Variants in BNC2 observed in about 807,000 individuals in gnomAD.
The protein encoded by BNC2 is zinc finger protein basonuclin-2.
A neutral mutation model predicts 76.3 loss-of-function variants in BNC2; 20 were observed. The observed-to-expected ratio is 0.26, with a 90% CI of 0.18 to 0.38. The LOEUF (loss-of-function observed/expected upper bound fraction) is 0.38, where lower values mean the gene tolerates loss of function less well. BNC2 is among the 10% of genes least tolerant of loss of function. The probability of loss-of-function intolerance (pLI) is 1.00; values close to 1 mark genes in which losing one functional copy is unlikely to be tolerated. For synonymous variants in BNC2, 582 were observed against 514.8 expected (o/e 1.13, Z -1.77); for missense variants, 1,382 against 1,399.8 (o/e 0.99, Z 0.20).
intron 3 of BNC2, among the ~76,000 whole-genome samples, chr9:16,598,482 C>T (rs1216226046): frequency 1.3e-5 from 2 of 152,178 alleles, no homozygotes; most frequent in Non-Finnish European, 2.9e-5. Flanking sequence ...CTGCCTTAGT[C>T]ATCCAACTTC....
chr9:16,722,239 C>T (rs1313148777), intron 3 of BNC2, among the ~76,000 whole-genome samples: 1 of 152,148 alleles, frequency 6.6e-6, no homozygotes, highest in Non-Finnish European at 1.5e-5. Flanking sequence ...TGCAATCCTG[C>T]CTTGGTTGTG....
Position 16,507,351 on chromosome 9 carries a change from C to T in BNC2, c.669+45179G>A, listed in dbSNP as rs142970528. Among the ~76,000 whole-genome samples the T allele has an allele frequency of 8.3e-3, 1,251 of 150,894 alleles. 55 individuals are homozygous for T. In the South Asian group the frequency reaches 0.13, roughly 16 times the overall value. ...TTGATCTTGGCTCAGCCTACGCCTC[C>T]TGGGTTCAAACGATTCTCCTGCCTC... On this transcript the variant is annotated intron_variant, in intron 5 of 6. Coordinates refer to ENST00000380672, the MANE Select transcript of BNC2 (RefSeq NM_017637.6).
chr9:16,518,812 G>C (rs1817522039), intron 5 of BNC2, among the ~76,000 whole-genome samples: 1 of 152,118 alleles, frequency 6.6e-6, no homozygotes, highest in South Asian at 2.1e-4. Flanking sequence ...TGTTGGTCAG[G>C]CTGGTCCCGA....
chr9:16,848,749 C>A (rs1206501162), intron 1 of BNC2, among the ~76,000 whole-genome samples: 6 of 152,176 alleles, frequency 3.9e-5, no homozygotes, highest in Non-Finnish European at 8.8e-5. Context: ...AGTTTACAGG[C>A]TGAGCATCCT....
chr9:16,519,879 G>A (rs1447684450), intron 5 of BNC2, among the ~76,000 whole-genome samples: 3 of 152,128 alleles, frequency 2.0e-5, no homozygotes, highest in Admixed American at 2.0e-4. Context: ...AGAACTAAAG[G>A]AGTTATGTTC....
Position 16,727,925 on chromosome 9 carries a change from A to C in BNC2, c.202T>G (p.Leu68Val). 6.2e-7 allele frequency: 1 copy of C among 1,614,082 alleles called. No homozygotes were observed. Among genetic ancestry groups the C allele is most frequent in the South Asian group, 1.1e-5 (1 of 91,074 alleles). The change falls in exon 3 of 7, where the codon TTG becomes GTG. Residue 68 changes from leucine to valine, a missense_variant. This residue lies in a region of BNC2 where 557 missense variants were observed against 540.9 expected (regional missense o/e 1.03). Coordinates refer to ENST00000380672, the MANE Select transcript of BNC2 (RefSeq NM_017637.6). ...TCAGTACAGGAGTCTCTTAAAGTCA[A>C]GTCTCTTGCCCTCTTTGGCTCTCTG... ...RDREPKRARDLTLRDSCTDNS... is the reference protein window; with the variant it reads ...RDREPKRARDVTLRDSCTDNS...
intron 3 of BNC2, among the ~76,000 whole-genome samples, chr9:16,611,935 T>G (rs1820558606): frequency 6.6e-6 from 1 of 152,170 alleles, no homozygotes; most frequent in Non-Finnish European, 1.5e-5. Flanking sequence ...AAAAATAACC[T>G]AGTCTCTTTC....
Position 16,528,836 on chromosome 9 carries a change from G to A in BNC2, c.669+23694C>T, listed in dbSNP as rs142574496. Among the ~76,000 whole-genome samples, 418 of 152,248 alleles carry A rather than the reference G, an allele frequency of 2.7e-3. 2 individuals are homozygous for A. The highest frequency in any genetic ancestry group is 9.1e-3 in the African/African-American group (380 of 41,558). On this transcript the variant is annotated intron_variant, in intron 5 of 6. Coordinates refer to ENST00000380672, the MANE Select transcript of BNC2 (RefSeq NM_017637.6). ...ATGGATGAGATCTCTCTATACTAAC[G>A]TGGAAAGAGGCCTGTATTAGTTTCC...
Position 16,697,720 on chromosome 9 carries a change from CAAAAA to C in BNC2, c.330+30072_330+30076del, listed in dbSNP as rs749976080. Reference sequence around the variant, plus strand: ...TAAGCAACAAGTGAGACTCGATTTCCAAAAAAAAAAAAAAAGTATAGAATGATAAA... The same window carrying C: ...TAAGCAACAAGTGAGACTCGATTTCCAAAAAAAAAAGTATAGAATGATAAA... On this transcript the variant is annotated intron_variant, in intron 3 of 6. Transcript: ENST00000380672. 6.5e-5 allele frequency among the ~76,000 whole-genome samples: 7 copies of C among 107,602 alleles called. No individual in the cohort carries two copies. The East Asian group carries it at 1.8e-3, about 28-fold the overall frequency. 70.6% of individuals were successfully genotyped at this position (107,602 alleles called of 152,430 possible). A position where few individuals can be genotyped will look rare whatever the true frequency, so the allele number is the denominator to read the frequency against.
intron 1 of BNC2, among the ~76,000 whole-genome samples, chr9:16,862,784 A>G (rs980164581): frequency 6.6e-6 from 1 of 152,132 alleles, no homozygotes; most frequent in Non-Finnish European, 1.5e-5. Context: ...TACTCCCAAC[A>G]CAAACCATAA....
chr9:16,553,187 G>T (rs1050474341), intron 4 of BNC2, among the ~76,000 whole-genome samples: 2 of 152,142 alleles, frequency 1.3e-5, no homozygotes, highest in Non-Finnish European at 2.9e-5. Flanking sequence ...TGCCATATGG[G>T]CAGGCTCAGT....
chr9:16,524,107 G>A (rs1587131267), intron 5 of BNC2, among the ~76,000 whole-genome samples: 1 of 151,330 alleles, frequency 6.6e-6, no homozygotes, highest in Non-Finnish European at 1.5e-5. Context: ...TGAGCACTTG[G>A]GGTGAGAACA....
In BNC2 at chr9:16,766,284, A is replaced by T. The variant is rs575675274; in HGVS notation, c.4-27799T>A. Reference sequence around the variant, plus strand: ...CATCCATCACTGTTTCCTTTAATTGAGGTTAATTTCTTTCAACTTGGGGGA... The same window carrying T: ...CATCCATCACTGTTTCCTTTAATTGTGGTTAATTTCTTTCAACTTGGGGGA... On this transcript the variant is annotated intron_variant, in intron 1 of 6. Coordinates refer to ENST00000380672, the MANE Select transcript of BNC2 (RefSeq NM_017637.6). 3.3e-5 allele frequency among the ~76,000 whole-genome samples: 5 copies of T among 152,204 alleles called. No individual in the cohort carries two copies. In the East Asian group the frequency reaches 9.7e-4, roughly 29 times the overall value.
chr9:16,752,155 G>A (rs954183723), intron 1 of BNC2, among the ~76,000 whole-genome samples: 8 of 152,000 alleles, frequency 5.3e-5, no homozygotes, highest in African/African-American at 1.4e-4. Context: ...TAAGAGATCC[G>A]AAGATAAACT....
At chr9:16,680,860 C>A (rs1822802633) in intron 3 of BNC2, among the ~76,000 whole-genome samples, 1 of 152,084 alleles carries the variant, frequency 6.6e-6, no homozygotes, top group South Asian at 2.1e-4. Flanking sequence ...TGTACTTTCT[C>A]TTTTTTAAGC....
chr9:16,688,230 T>G (rs896914281), intron 3 of BNC2, among the ~76,000 whole-genome samples: 34 of 152,158 alleles, frequency 2.2e-4, no homozygotes, highest in African/African-American at 8.2e-4. Flanking sequence ...AAACCATATC[T>G]CTTTCTGAAT....
intron 5 of BNC2, among the ~76,000 whole-genome samples, chr9:16,480,914 A>G (rs1259981682): frequency 6.6e-6 from 1 of 152,234 alleles, no homozygotes; most frequent in Admixed American, 6.5e-5. Flanking sequence ...CGGGACTGGC[A>G]GGCAGCTCCA....
At chr9:16,526,886 T>C (rs1817821286) in intron 5 of BNC2, among the ~76,000 whole-genome samples, 4 of 152,184 alleles carry the variant, frequency 2.6e-5, no homozygotes, top group Admixed American at 2.0e-4. Context: ...AACAAGCAGT[T>C]ATTGTAGAGC....
intron 3 of BNC2, among the ~76,000 whole-genome samples, chr9:16,628,813 A>G (rs1051389827): frequency 6.6e-6 from 1 of 152,232 alleles, no homozygotes; most frequent in African/African-American, 2.4e-5. Flanking sequence ...GTGAAACAAC[A>G]TTCAACTGGA....
Sources: gnomAD v4.1 joint callset for allele counts (sites outside exome capture counted in the v4.1 genomes callset) on GRCh38, gnomAD v4.1.1 for gene constraint, gnomAD v4.1.1 regional missense constraint, MANE v1.5 for transcripts, NCBI Gene and HGNC (gene_info 2026-07-23, HGNC 2026-07-21) for gene names.